NEBL: variants seen among roughly 807,000 people sequenced by gnomAD.
NEBL encodes the protein LIM and SH3 protein 2.
Under a neutral mutation model 140.2 loss-of-function variants are expected in NEBL, and 122 were observed. The observed-to-expected ratio is 0.87, with a 90% CI of 0.75 to 1.01. The LOEUF (loss-of-function observed/expected upper bound fraction) is 1.01. Among genes scored for constraint, NEBL ranks in the 50% least tolerant of loss-of-function variants. NEBL has a pLI of 0.00. For missense variants in NEBL, 1,365 were observed against 1,231.3 expected (o/e 1.11, Z -1.62); for synonymous variants, 436 against 398.9 (o/e 1.09, Z -1.11).
At chr10:20,924,413 T>TAAAAAAAA (rs71390800) in intron 4 of NEBL, among the ~76,000 whole-genome samples, 890 of 59,056 alleles carry the variant, frequency 0.015, 71 homozygotes, top group Middle Eastern at 0.08. Context: ...AGGCATGAAG[T>TAAAAAAAA]AAAAAAAAAA....
At chr10:20,982,987 GA>G (rs1837115001) in intron 3 of NEBL, among the ~76,000 whole-genome samples, 1 of 152,098 alleles carries the variant, frequency 6.6e-6, no homozygotes, top group Non-Finnish European at 1.5e-5. Flanking sequence ...AAAAAATAAA[GA>G]AAATGTGAAG....
At chr10:20,899,762 G>C (rs571897336), upstream of NEBL, 117 of 189,330 alleles carry the variant, frequency 6.2e-4, no homozygotes, top group African/African-American at 2.4e-3. Context: ...CTTGGTGTTA[G>C]AGATAGAATG....
At chr10:20,959,630 A>T (rs1037329584) in intron 4 of NEBL, among the ~76,000 whole-genome samples, 8 of 152,154 alleles carry the variant, frequency 5.3e-5, no homozygotes, top group African/African-American at 1.9e-4. Context: ...AGCACTTAAC[A>T]GCCTCCCTTC....
chr10:21,019,358 A>C (rs1312821306), intron 3 of NEBL, among the ~76,000 whole-genome samples: 1 of 152,148 alleles, frequency 6.6e-6, no homozygotes, highest in East Asian at 1.9e-4. Flanking sequence ...GCCTACAACC[A>C]CCTAGCCTCC....
At chr10:21,030,567 G>A in intron 2 of NEBL, 2 of 701,694 alleles carry the variant, frequency 2.9e-6, no homozygotes, top group East Asian at 3.6e-5. Flanking sequence ...CAGACACACA[G>A]CACGAATACC....
Position 21,174,148 on chromosome 10 carries a change from G to C in NEBL, c.-315C>G, listed in dbSNP as rs923927697. 7.2e-6 allele frequency: 4 copies of C among 554,942 alleles called. No homozygotes were observed. The African/African-American group carries it at 8.1e-5, about 11-fold the overall frequency. The allele number at this position is 554,942 out of a possible 1,614,324, so 34.4% of individuals were successfully genotyped here. On this transcript the variant is annotated 5_prime_UTR_variant, in exon 1 of 7. Coordinates refer to the NEBL transcript ENST00000417816. ...ACAGTCACTCGCGCCCGCCCCTCGC[G>C]CTCACTCGCTCCCCCGCCTCGCCGC...
At chr10:20,805,456 C>T (rs1445225099) in intron 26 of NEBL, among the ~76,000 whole-genome samples, 3 of 151,874 alleles carry the variant, frequency 2.0e-5, no homozygotes, top group Non-Finnish European at 4.4e-5. Flanking sequence ...TGCTTCATAC[C>T]CCAATATCTA....
At chr10:20,961,821 G>A (rs749958647) in intron 3 of NEBL, 12 of 1,457,754 alleles carry the variant, frequency 8.2e-6, no homozygotes, top group Admixed American at 3.3e-5. Context: ...GAGGGATCAC[G>A]AATCCCACTC....
rs368938105 is a variant in NEBL, at chr10:21,171,008, A to G, written c.164+1375T>C. 8.5e-5 allele frequency among the ~76,000 whole-genome samples: 13 copies of G among 152,224 alleles called. 1 individual carries two copies. The highest frequency in any genetic ancestry group is 3.1e-4 in the African/African-American group (13 of 41,548). ...CCAAAGGCCCCTTTGCTGCCTCCAGACTATGCCAACCACACAGGGGAACTG... is the reference window on the plus strand; with the variant it reads ...CCAAAGGCCCCTTTGCTGCCTCCAGGCTATGCCAACCACACAGGGGAACTG... On this transcript the variant is annotated intron_variant, in intron 2 of 6. Coordinates refer to the NEBL transcript ENST00000417816.
chr10:20,945,384 T>A (rs1441078090), intron 4 of NEBL, among the ~76,000 whole-genome samples: 4 of 152,198 alleles, frequency 2.6e-5, no homozygotes, highest in South Asian at 2.1e-4. Context: ...TTAGATCTTG[T>A]ACCCTCAGCT....
At chr10:20,905,138 A>G (rs903855030) in intron 4 of NEBL, among the ~76,000 whole-genome samples, 1 of 152,236 alleles carries the variant, frequency 6.6e-6, no homozygotes, top group Non-Finnish European at 1.5e-5. Flanking sequence ...GCAAACAACC[A>G]TTAGAACTAT....
At chr10:21,061,510 T>G (rs538803529) in intron 2 of NEBL, among the ~76,000 whole-genome samples, 1 of 147,986 alleles carries the variant, frequency 6.8e-6, no homozygotes, top group Non-Finnish European at 1.5e-5. Flanking sequence ...TATATTACAT[T>G]ATATATTATA....
intron 2 of NEBL, among the ~76,000 whole-genome samples, chr10:21,085,883 A>G (rs960341312): frequency 3.3e-5 from 5 of 152,190 alleles, no homozygotes; most frequent in Non-Finnish European, 7.3e-5. Flanking sequence ...AGTCTCTCAG[A>G]TATCATGAAT....
At chr10:20,829,496 T>C (rs1478836321) in intron 16 of NEBL, among the ~76,000 whole-genome samples, 1 of 150,926 alleles carries the variant, frequency 6.6e-6, no homozygotes, top group Non-Finnish European at 1.5e-5. Context: ...AGATGACGAG[T>C]TAGTGGGTGC....
chr10:21,072,218 G>A (rs952259514), intron 2 of NEBL, among the ~76,000 whole-genome samples: 7 of 152,064 alleles, frequency 4.6e-5, no homozygotes, highest in African/African-American at 7.2e-5. Flanking sequence ...TTACAGACAG[G>A]TCACTTCAAT....
At chr10:20,921,667 C>T (rs1340807856) in intron 4 of NEBL, among the ~76,000 whole-genome samples, 2 of 152,150 alleles carry the variant, frequency 1.3e-5, no homozygotes, top group Non-Finnish European at 2.9e-5. Context: ...TGCAAACTCT[C>T]TTTATTTGCC....
rs975497288 is a variant in NEBL, at chr10:21,277,349, C to T, written n.182+15481G>A. Among the ~76,000 whole-genome samples, 4 of 152,012 alleles carry T rather than the reference C, an allele frequency of 2.6e-5. No individual in the cohort carries two copies. The South Asian group carries it at 8.3e-4, about 32-fold the overall frequency. On this transcript the variant is annotated intron_variant and non_coding_transcript_variant, in intron 1 of 8. Coordinates refer to the NEBL transcript ENST00000675702. The stretch of plus-strand genomic sequence containing the variant: ...TCAGCTTTCCAAGTAGCTGGGATTA[C>T]GAGTGCCCACCACCACTCCTGGCTA...
intron 2 of NEBL, among the ~76,000 whole-genome samples, chr10:21,131,675 T>C (rs1008028998): frequency 4.9e-5 from 6 of 123,692 alleles, no homozygotes; most frequent in African/African-American, 1.7e-4. Context: ...TGACAGGTCA[T>C]GACATAGAAC....
chr10:21,096,513 G>GTGTGTGTGTGTGTGTT (rs1554824504), intron 2 of NEBL, among the ~76,000 whole-genome samples: 1 of 151,592 alleles, frequency 6.6e-6, no homozygotes, highest in African/African-American at 2.4e-5. Flanking sequence ...GTGTGTGTGT[G>GTGTGTGTGTGTGTGTT]TGTGTGTGTG....
Sources: allele counts gnomAD v4.1 joint callset (sites outside exome capture counted in the v4.1 genomes callset), GRCh38; gene constraint gnomAD v4.1.1; transcripts MANE v1.5; gene names NCBI Gene and HGNC (gene_info 2026-07-23, HGNC 2026-07-21).